The following IMMT variants were observed in gnomAD, a reference collection of about 807,000 sequenced individuals.
The protein encoded by IMMT is inner membrane mitochondrial protein.
A neutral mutation model predicts 92.7 loss-of-function variants in IMMT; 40 were observed. That is an observed-to-expected ratio of 0.43 (90% CI 0.34 to 0.56). IMMT has a LOEUF of 0.56. Among genes scored for constraint, IMMT ranks in the 20% least tolerant of loss-of-function variants. The pLI is 0.03. For synonymous variants in IMMT, 322 were observed against 336.1 expected (o/e 0.96, Z 0.46); for missense variants, 831 against 912.1 (o/e 0.91, Z 1.14).
intron 1 of IMMT, among the ~76,000 whole-genome samples, chr2:86,189,917 T>C (rs1049911526): frequency 6.6e-6 from 1 of 152,254 alleles, no homozygotes; most frequent in Non-Finnish European, 1.5e-5. Context: ...TGAAGCAGCA[T>C]TACATTTCAG....
chr2:86,162,477 G>C (rs931214822), intron 7 of IMMT, among the ~76,000 whole-genome samples: 1 of 150,516 alleles, frequency 6.6e-6, no homozygotes, highest in Non-Finnish European at 1.5e-5. Context: ...TTCTTAATTT[G>C]TTACATATAA....
At chr2:86,175,554 C>T (rs1159085070) in intron 3 of IMMT, among the ~76,000 whole-genome samples, 1 of 151,760 alleles carries the variant, frequency 6.6e-6, no homozygotes, top group African/African-American at 2.4e-5. Context: ...CAGTTGTAAC[C>T]ATTTAGGCAG....
At chr2:86,159,406 T>TAACAA (rs767477859) in intron 9 of IMMT, 130 bp downstream of exon 9, 2 of 856,492 alleles carry the variant, frequency 2.3e-6, no homozygotes, top group African/African-American at 3.3e-5. Flanking sequence ...TTTAAAACAG[T>TAACAA]AACAACGAAT....
chr2:86,156,786 G>C (rs904978429), intron 10 of IMMT, among the ~76,000 whole-genome samples: 2 of 151,992 alleles, frequency 1.3e-5, no homozygotes, highest in Non-Finnish European at 2.9e-5. Context: ...GTCCTGCCCT[G>C]TCAACCTAAT....
At chr2:86,155,469 T>C (rs1675791548) in intron 10 of IMMT, among the ~76,000 whole-genome samples, 1 of 152,212 alleles carries the variant, frequency 6.6e-6, no homozygotes, top group Non-Finnish European at 1.5e-5. Context: ...TCTATGTAAT[T>C]GGGATAATAA....
intron 1 of IMMT, among the ~76,000 whole-genome samples, chr2:86,187,635 G>T (rs554975688): frequency 1.3e-5 from 2 of 152,160 alleles, no homozygotes; most frequent in African/African-American, 4.8e-5. Context: ...ACACAGCCAG[G>T]CTCAGTCGCT....
intron 1 of IMMT, among the ~76,000 whole-genome samples, chr2:86,188,689 G>C (rs1261952509): frequency 6.6e-6 from 1 of 152,192 alleles, no homozygotes; most frequent in Non-Finnish European, 1.5e-5. Context: ...GCTTCCCAAA[G>C]TGCTGGGATG....
intron 1 of IMMT, chr2:86,193,240 C>T (rs370326787): frequency 1.7e-4 from 26 of 151,518 alleles, no homozygotes; most frequent in African/African-American, 5.8e-4. Flanking sequence ...TCCGTCTCTA[C>T]AAAAATTTTT....
At chr2:86,162,212 A>C in intron 7 of IMMT, 133 bp from the exon 8 acceptor site, 1 of 562,864 alleles carries the variant, frequency 1.8e-6, no homozygotes, top group Non-Finnish European at 3.1e-6. Flanking sequence ...TCTCCAGAGT[A>C]AGAACTCTTA....
In IMMT at chr2:86,147,689, T is replaced by G. The variant is rs756221149; in HGVS notation, c.1533+13A>C. ...GGAAGAGGGGTGTGGCTGAAGGGAGTCCAGGTCCTCACCTGCTCAAATTCA... is the reference window on the plus strand; with the variant it reads ...GGAAGAGGGGTGTGGCTGAAGGGAGGCCAGGTCCTCACCTGCTCAAATTCA... On this transcript the variant is annotated intron_variant, in intron 13 of 14. Coordinates refer to ENST00000410111, the MANE Select transcript of IMMT (RefSeq NM_006839.3). The G allele has an allele frequency of 2.5e-6, 4 of 1,609,710 alleles. No homozygotes were observed. The East Asian group carries it at 9.0e-5, about 36-fold the overall frequency.
chr2:86,157,804 GAA>G (rs113355266), intron 10 of IMMT, among the ~76,000 whole-genome samples: 1 of 111,838 alleles, frequency 8.9e-6, no homozygotes, highest in Non-Finnish European at 1.8e-5. Context: ...AAAAAAAAAA[GAA>G]AAAAAAAAAA....
intron 1 of IMMT, among the ~76,000 whole-genome samples, chr2:86,192,447 A>T (rs985809605): frequency 1.3e-5 from 2 of 151,222 alleles, no homozygotes; most frequent in Non-Finnish European, 2.9e-5. Flanking sequence ...ATCTCTAAAA[A>T]ATCTTTTTAA....
At chr2:86,163,564 A>C (rs1676437609) in intron 7 of IMMT, among the ~76,000 whole-genome samples, 1 of 152,200 alleles carries the variant, frequency 6.6e-6, no homozygotes, top group African/African-American at 2.4e-5. Flanking sequence ...AGGGAAAATA[A>C]AGATGTTTCC....
At chr2:86,181,840 G>A (rs554725347) in intron 1 of IMMT, among the ~76,000 whole-genome samples, 48 of 152,276 alleles carry the variant, frequency 3.2e-4, no homozygotes, top group African/African-American at 1.0e-3. Flanking sequence ...CAGAAAACCA[G>A]GTTTCTCATC....
chr2:86,174,130 A>G (rs982758537), intron 3 of IMMT, among the ~76,000 whole-genome samples: 2 of 152,226 alleles, frequency 1.3e-5, no homozygotes, highest in Non-Finnish European at 2.9e-5. Context: ...GTATACATTC[A>G]GTTAGAAGCA....
At chr2:86,181,436 G>T in intron 1 of IMMT, 64 bp from the exon 2 acceptor site, 1 of 1,089,230 alleles carries the variant, frequency 9.2e-7, no homozygotes, top group Non-Finnish European at 1.4e-6. Flanking sequence ...TTTAGGGTTG[G>T]TAATACAGAA....
At position 86,144,352 on chromosome 2, in the gene IMMT, G is replaced by A; in HGVS notation, c.2193C>T (p.Thr731=). The change falls in exon 15 of 15, where the codon ACC becomes ACT. Residue 731 remains threonine (T), a synonymous_variant. Transcript: ENST00000410111. ...TTTCCACTATCTGTTTCGTTTCTAG[G>A]GTCATTCGGGCTTCCTTCAGCCAGT... The part of the protein sequence containing the change: ...AQDWLKEARM[T]LETKQIVEIL... 6.2e-7 allele frequency: 1 copy of A among 1,613,914 alleles called. No individual in the cohort carries two copies. Among genetic ancestry groups the A allele is most frequent in the Non-Finnish European group, 8.5e-7 (1 of 1,179,878 alleles).
At chr2:86,181,425 T>G in intron 1 of IMMT, 53 bp from the exon 2 acceptor site, 1 of 1,270,160 alleles carries the variant, frequency 7.9e-7, no homozygotes, top group Non-Finnish European at 1.1e-6. Flanking sequence ...ACTGGTAAGC[T>G]TTTAGGGTTG....
At chr2:86,163,831 C>A (rs547298566) in intron 7 of IMMT, among the ~76,000 whole-genome samples, 2 of 151,134 alleles carry the variant, frequency 1.3e-5, no homozygotes, top group African/African-American at 4.9e-5. Flanking sequence ...TGGTGATGGG[C>A]GCCTGTAATC....
Sources: gnomAD v4.1 joint callset for allele counts (sites outside exome capture counted in the v4.1 genomes callset) on GRCh38, gnomAD v4.1.1 for gene constraint, MANE v1.5 for transcripts, NCBI Gene and HGNC (gene_info 2026-07-23, HGNC 2026-07-21) for gene names.